The following DACH1 variants were observed in gnomAD, a reference collection of about 807,000 sequenced individuals.
DACH1 encodes the protein dachshund homolog 1.
In DACH1, 12 loss-of-function variants were observed where a neutral mutation model predicts 54.2. That is an observed-to-expected ratio of 0.22 (90% CI 0.14 to 0.36). The LOEUF (loss-of-function observed/expected upper bound fraction) is 0.36, where lower values mean the gene tolerates loss of function less well. DACH1 is among the 10% of genes least tolerant of loss of function. The probability of loss-of-function intolerance (pLI) is 1.00; values close to 1 mark genes in which losing one functional copy is unlikely to be tolerated. For missense variants in DACH1, 805 were observed against 929.8 expected (o/e 0.87, Z 1.75); for synonymous variants, 386 against 366.2 (o/e 1.05, Z -0.62).
chr13:71,866,105 A>G lies in DACH1; in HGVS notation c.665T>C (p.Leu222Ser), dbSNP rs769980001. 2.2e-5 allele frequency: 35 copies of G among 1,613,182 alleles called. No homozygotes were observed. Among genetic ancestry groups the G allele is most frequent in the Non-Finnish European group, 2.8e-5 (33 of 1,179,812 alleles). ...PQAFDLFLKH[L>S]VGGLHTVYTK... The stretch of plus-strand genomic sequence containing the variant: ...GTAGACCGTATGCAAGCCCCCCACC[A>G]AGTGCTTCAGGAACAGGTCGAAAGC... The change falls in exon 1 of 11, where the codon TTG (leucine) becomes TCG (serine). Residue 222 changes from leucine (L) to serine (S), a missense_variant. Physicochemically the swap from Leu to Ser is moderately radical, Grantham distance 145. Around this residue, in one of 3 missense-constraint regions of DACH1, gnomAD observed 28 missense variants for 75.7 expected, o/e 0.37. Coordinates refer to ENST00000613252, the MANE Select transcript of DACH1 (RefSeq NM_080759.6).
At chr13:71,622,838 C>T (rs1164159704) in intron 3 of DACH1, among the ~76,000 whole-genome samples, 1 of 151,634 alleles carries the variant, frequency 6.6e-6, no homozygotes, top group Non-Finnish European at 1.5e-5. Context: ...CTTGAATTAA[C>T]AGGTTTACTC....
intron 1 of DACH1, among the ~76,000 whole-genome samples, chr13:71,701,093 C>T (rs1350305072): frequency 2.0e-5 from 3 of 152,232 alleles, no homozygotes; most frequent in African/African-American, 7.2e-5. Flanking sequence ...TTATAATTTG[C>T]ATGCATACAT....
chr13:71,783,293 C>A (rs988781419), intron 1 of DACH1, among the ~76,000 whole-genome samples: 2 of 152,116 alleles, frequency 1.3e-5, no homozygotes, highest in African/African-American at 4.8e-5. Flanking sequence ...ACTGGCTAAT[C>A]ACTATCAAGT....
At chr13:71,512,236 T>A (rs929871879) in intron 6 of DACH1, among the ~76,000 whole-genome samples, 4 of 151,930 alleles carry the variant, frequency 2.6e-5, no homozygotes, top group African/African-American at 9.7e-5. Flanking sequence ...TATAACCCAT[T>A]TTCCTGGCAC....
intron 1 of DACH1, among the ~76,000 whole-genome samples, chr13:71,798,820 G>A (rs573341020): frequency 5.9e-5 from 9 of 151,892 alleles, no homozygotes; most frequent in Non-Finnish European, 1.3e-4. Context: ...TTAACATATT[G>A]CAAGGTCTGA....
intron 10 of DACH1, among the ~76,000 whole-genome samples, chr13:71,441,928 C>A (rs767789155): frequency 6.6e-6 from 1 of 151,682 alleles, no homozygotes; most frequent in Non-Finnish European, 1.5e-5. Flanking sequence ...ATATTAGGTG[C>A]ATATATTATA....
chr13:71,775,247 G>A lies in DACH1; in HGVS notation c.848+90675C>T, dbSNP rs1268464476. Among the ~76,000 whole-genome samples the A allele has an allele frequency of 2.7e-5, 4 of 147,512 alleles. No homozygotes were observed. The East Asian group carries it at 6.1e-4, about 22-fold the overall frequency. On this transcript the variant is annotated intron_variant, in intron 1 of 10. Coordinates refer to ENST00000613252, the MANE Select transcript of DACH1 (RefSeq NM_080759.6). ...AAGCCCAGGAGCTTGAGGCTATAGTGAGCCATAAATGCATGCCACTGAACT... is the reference window on the plus strand; with the variant it reads ...AAGCCCAGGAGCTTGAGGCTATAGTAAGCCATAAATGCATGCCACTGAACT...
intron 2 of DACH1, among the ~76,000 whole-genome samples, chr13:71,656,921 C>T (rs1203797323): frequency 4.8e-5 from 4 of 83,422 alleles, no homozygotes; most frequent in African/African-American, 1.3e-4. Flanking sequence ...GTTCTTCTTT[C>T]ATATATATAT....
At chr13:71,495,790 C>T (rs1167443748) in intron 6 of DACH1, among the ~76,000 whole-genome samples, 1 of 152,086 alleles carries the variant, frequency 6.6e-6, no homozygotes, top group South Asian at 2.1e-4. Context: ...CTATTCGACC[C>T]AGCAATACCA....
intron 5 of DACH1, among the ~76,000 whole-genome samples, chr13:71,558,231 C>T (rs1343542519): frequency 6.6e-6 from 1 of 151,886 alleles, no homozygotes; most frequent in African/African-American, 2.4e-5. Context: ...GATTGGTTGA[C>T]TGATGAGGTA....
rs868355727 is a variant in DACH1 at position 71,748,956 on chromosome 13, C to T, written c.849-67046G>A. ...TCTTTCTTTCTTTCTTTCTTTCTCT[C>T]TTTCTTTCTCTCTCTCTCTTTCTTC... On this transcript the variant is annotated intron_variant, in intron 1 of 10. Transcript: ENST00000613252. 1.7e-3 allele frequency among the ~76,000 whole-genome samples: 56 copies of T among 32,692 alleles called. 3 individuals carry two copies. Among genetic ancestry groups the T allele is most frequent in the African/African-American group, 3.2e-3 (51 of 15,820 alleles). The allele number at this position is 32,692 out of a possible 152,430, so 21.4% of individuals were successfully genotyped here. A position where few individuals can be genotyped will look rare whatever the true frequency, so the allele number is the denominator to read the frequency against.
intron 1 of DACH1, among the ~76,000 whole-genome samples, chr13:71,685,198 C>T (rs1303539987): frequency 6.6e-6 from 1 of 152,168 alleles, no homozygotes; most frequent in African/African-American, 2.4e-5. Context: ...TTAGAATAGA[C>T]CCGGTGGGCT....
chr13:71,849,016 C>T (rs1873484036), intron 1 of DACH1, among the ~76,000 whole-genome samples: 1 of 152,100 alleles, frequency 6.6e-6, no homozygotes, highest in South Asian at 2.1e-4. Flanking sequence ...TTCTTATGAC[C>T]CTACGGTGTC....
At chr13:71,545,261 G>A (rs1171296464) in intron 6 of DACH1, among the ~76,000 whole-genome samples, 1 of 151,942 alleles carries the variant, frequency 6.6e-6, no homozygotes, top group Non-Finnish European at 1.5e-5. Flanking sequence ...CCTCATGCTA[G>A]AGTGCTTCCA....
intron 6 of DACH1, among the ~76,000 whole-genome samples, chr13:71,520,154 G>T (rs1881487828): frequency 6.6e-6 from 1 of 151,250 alleles, no homozygotes; most frequent in African/African-American, 2.4e-5. Flanking sequence ...TCCATGTTTT[G>T]TCATTCTTAA....
At chr13:71,690,410 CCCGTAAGTCTT>C (rs991190751) in intron 1 of DACH1, among the ~76,000 whole-genome samples, 6 of 152,096 alleles carry the variant, frequency 3.9e-5, no homozygotes, top group Non-Finnish European at 5.9e-5. Flanking sequence ...TTCCTTTCTT[CCCGTAAGTCTT>C]CCAGGCCACA....
chr13:71,838,957 C>T (rs1009606195), intron 1 of DACH1, among the ~76,000 whole-genome samples: 9 of 152,138 alleles, frequency 5.9e-5, no homozygotes, highest in East Asian at 3.9e-4. Flanking sequence ...TTTCAAATTC[C>T]GGTACAGAAT....
At chr13:71,707,083 T>C (rs535703324) in intron 1 of DACH1, among the ~76,000 whole-genome samples, 219 of 152,330 alleles carry the variant, frequency 1.4e-3, no homozygotes, top group Non-Finnish European at 2.7e-3. Context: ...TGTGAGGAAA[T>C]TGACTAGGTC....
intron 6 of DACH1, among the ~76,000 whole-genome samples, chr13:71,522,405 C>T (rs1881669297): frequency 6.6e-6 from 1 of 151,996 alleles, no homozygotes; most frequent in Non-Finnish European, 1.5e-5. Flanking sequence ...GCCGCACCTC[C>T]CTACCTTGAG....
Sources: allele counts gnomAD v4.1 joint callset (sites outside exome capture counted in the v4.1 genomes callset), GRCh38; gene constraint gnomAD v4.1.1; regional missense constraint gnomAD v4.1.1; transcripts MANE v1.5; gene names NCBI Gene and HGNC (gene_info 2026-07-23, HGNC 2026-07-21).